Variants in SLC12A6 observed in about 807,000 individuals in gnomAD.
SLC12A6 encodes K-Cl cotransporter 3.
A neutral mutation model predicts 135.3 loss-of-function variants in SLC12A6; 66 were observed. The ratio of observed to expected loss-of-function variants is 0.49; its 90% CI spans 0.40 to 0.60. The LOEUF (loss-of-function observed/expected upper bound fraction) is 0.60, where lower values mean the gene tolerates loss of function less well. Among genes scored for constraint, SLC12A6 ranks in the 20% least tolerant of loss-of-function variants. SLC12A6 has a pLI of 0.00. For synonymous variants in SLC12A6, 513 were observed against 508.8 expected (o/e 1.01, Z -0.11); for missense variants, 1,058 against 1,452.3 (o/e 0.73, Z 4.41).
chr15:34,321,850 T>C (rs998095803), intron 2 of SLC12A6, among the ~76,000 whole-genome samples: 3 of 152,196 alleles, frequency 2.0e-5, no homozygotes, highest in Non-Finnish European at 4.4e-5. Context: ...AGGTGAAAGA[T>C]GCTTTAAACA....
rs768514327 is a variant in SLC12A6 at position 34,235,205 on chromosome 15, G to A, written c.3337C>T (p.Arg1113Ter). 2 of 1,613,920 alleles carry A rather than the reference G, an allele frequency of 1.2e-6. No homozygotes were observed. The part of the protein sequence containing the change: ...LVLLNMPGPP[R>*]NPEGDENYME... ...CAGTTTTCATCACCCTCAGGGTTTC[G>A]GGGTGGCCCTGGCATATTCAATAAA... Residue 1113 changes from arginine (R) to a stop codon, truncating the protein, a stop_gained, in exon 25 of 26, where the codon CGA (arginine) becomes TGA (stop). Transcript: ENST00000354181. LOFTEE classifies it high-confidence loss of function.
At chr15:34,285,264 G>C (rs1458975458) in intron 2 of SLC12A6, among the ~76,000 whole-genome samples, 2 of 152,192 alleles carry the variant, frequency 1.3e-5, no homozygotes, top group African/African-American at 4.8e-5. Flanking sequence ...GTATGGATCA[G>C]ATCAGAAATA....
chr15:34,296,667 A>G (rs753781277), intron 2 of SLC12A6, among the ~76,000 whole-genome samples: 6 of 152,218 alleles, frequency 3.9e-5, no homozygotes, highest in Admixed American at 1.3e-4. Flanking sequence ...ACAGATGGCC[A>G]TATCGATGCG....
Position 34,336,597 on chromosome 15 carries a change from C to A in SLC12A6, c.84G>T (p.Leu28Phe). 6.2e-7 allele frequency: 1 copy of A among 1,613,906 alleles called. No homozygotes were observed. The highest frequency in any genetic ancestry group is 8.5e-7 in the Non-Finnish European group (1 of 1,179,830). Reference sequence around the variant, plus strand: ...AGCTGAGGTCCGGACTGGTGTCTGACAAACCTGGAATGTCATCGATCTTTG... The same window carrying A: ...AGCTGAGGTCCGGACTGGTGTCTGAAAAACCTGGAATGTCATCGATCTTTG... ...TPTKIDDIPG[L>F]SDTSPDLSSR... The change falls in exon 2 of 26, where the codon TTG becomes TTT. Residue 28 changes from leucine to phenylalanine, a missense_variant. Physicochemically the swap from Leu to Phe is conservative, Grantham distance 22. This residue lies in a region of SLC12A6 where 176 missense variants were observed against 168.9 expected (regional missense o/e 1.04). Coordinates refer to ENST00000354181, the MANE Select transcript of SLC12A6 (RefSeq NM_001365088.1).
chr15:34,255,255 T>C lies in SLC12A6; in HGVS notation c.876+7A>G. The stretch of plus-strand genomic sequence containing the variant: ...ATATTATAGACCACAATGAAGTCAT[T>C]ACTTACCAGAAAGATTTCAATGGCA... On this transcript the variant is annotated splice_region_variant and intron_variant, in intron 8 of 25. Coordinates refer to ENST00000354181, the MANE Select transcript of SLC12A6 (RefSeq NM_001365088.1). 6.3e-7 allele frequency: 1 copy of C among 1,596,454 alleles called. No individual in the cohort carries two copies. The highest frequency in any genetic ancestry group is 8.6e-7 in the Non-Finnish European group (1 of 1,163,838).
At chr15:34,275,098 T>C (rs1894205956) in intron 3 of SLC12A6, among the ~76,000 whole-genome samples, 2 of 152,204 alleles carry the variant, frequency 1.3e-5, no homozygotes, top group South Asian at 4.1e-4. Flanking sequence ...TTCTAGTTCT[T>C]AGATTTTTTT....
chr15:34,258,751 A>C, intron 5 of SLC12A6, 62 bp downstream of exon 5: 4,500 of 1,101,592 alleles, frequency 4.1e-3, no homozygotes, highest in Non-Finnish European at 5.7e-3. Context: ...TGCCTTAGGT[A>C]TTTCCTTCTT....
At chr15:34,273,093 G>A (rs578150856) in intron 3 of SLC12A6, among the ~76,000 whole-genome samples, 7 of 152,230 alleles carry the variant, frequency 4.6e-5, no homozygotes, top group Non-Finnish European at 7.3e-5. Context: ...GCTCATGCCT[G>A]TAATCCCAGC....
At chr15:34,327,657 CA>C (rs80177584) in intron 2 of SLC12A6, among the ~76,000 whole-genome samples, 14,792 of 130,850 alleles carry the variant, frequency 0.11, 865 homozygotes, top group South Asian at 0.2. Context: ...GACTCTGTCT[CA>C]AAAAAAAAAA....
intron 2 of SLC12A6, among the ~76,000 whole-genome samples, chr15:34,331,084 T>C (rs1889814120): frequency 6.6e-6 from 1 of 152,150 alleles, no homozygotes; most frequent in South Asian, 2.1e-4. Flanking sequence ...AATAGTCACC[T>C]ATGATTAGCA....
intron 2 of SLC12A6, among the ~76,000 whole-genome samples, chr15:34,320,789 C>A (rs552960526): frequency 7.0e-6 from 1 of 143,056 alleles, no homozygotes; most frequent in Non-Finnish European, 1.5e-5. Context: ...TGGTGGCGGG[C>A]GCCTGTAGTT....
upstream of SLC12A6, chr15:34,337,883 C>T (rs1410653873): frequency 6.6e-6 from 1 of 152,328 alleles, no homozygotes; most frequent in Non-Finnish European, 1.5e-5. Flanking sequence ...CCTCCCCCAG[C>T]CCCGGGCCCG....
At chr15:34,303,100 T>A (rs1896372761) in intron 2 of SLC12A6, among the ~76,000 whole-genome samples, 1 of 152,084 alleles carries the variant, frequency 6.6e-6, no homozygotes, top group South Asian at 2.1e-4. Flanking sequence ...CATAAGAGAC[T>A]ATCTTCTTAA....
At chr15:34,242,521 C>T (rs1017187084) in intron 16 of SLC12A6, among the ~76,000 whole-genome samples, 3 of 152,138 alleles carry the variant, frequency 2.0e-5, no homozygotes, top group Non-Finnish European at 2.9e-5. Flanking sequence ...TCCTTTGCAA[C>T]AGAAGATGTT....
intron 2 of SLC12A6, among the ~76,000 whole-genome samples, chr15:34,278,811 C>T (rs926887352): frequency 6.6e-6 from 1 of 151,962 alleles, no homozygotes; most frequent in African/African-American, 2.4e-5. Flanking sequence ...CCTCATGATC[C>T]ACCTGCCTCA....
intron 2 of SLC12A6, among the ~76,000 whole-genome samples, chr15:34,293,326 A>G (rs988460180): frequency 6.6e-6 from 1 of 152,104 alleles, no homozygotes; most frequent in African/African-American, 2.4e-5. Context: ...TATTTTTGAG[A>G]CAGAGTCTCA....
At chr15:34,281,158 CAAT>C (rs1397511905) in intron 2 of SLC12A6, among the ~76,000 whole-genome samples, 1 of 151,972 alleles carries the variant, frequency 6.6e-6, no homozygotes, top group African/African-American at 2.4e-5. Flanking sequence ...CTACGGTTAA[CAAT>C]AATATATTAG....
Position 34,230,485 on chromosome 15 carries a change from AGCAG to A in SLC12A6, c.*3392_*3395del. On this transcript the variant is annotated 3_prime_UTR_variant, in exon 26 of 26. Coordinates refer to ENST00000354181, the MANE Select transcript of SLC12A6 (RefSeq NM_001365088.1). ...TGCCGAAGGAACCTGGCACCTGTCA[AGCAG>A]ATGCTGCAGTTCAAACTTCAGCTTT... 1 of 152,612 alleles carries A rather than the reference AGCAG, an allele frequency of 6.6e-6. No homozygotes were observed. The highest frequency in any genetic ancestry group is 1.5e-5 in the Non-Finnish European group (1 of 68,066). 9.5% of individuals were successfully genotyped at this position (152,612 alleles called of 1,614,324 possible). A position where few individuals can be genotyped will look rare whatever the true frequency, so the allele number is the denominator to read the frequency against.
At chr15:34,332,362 T>C (rs2644243) in intron 2 of SLC12A6, among the ~76,000 whole-genome samples, 68,777 of 152,048 alleles carry the variant, frequency 0.45, 17,767 homozygotes, top group African/African-American at 0.72. Flanking sequence ...ATTTTCACCA[T>C]TATACCATGA....
Sources: allele counts gnomAD v4.1 joint callset (sites outside exome capture counted in the v4.1 genomes callset), GRCh38; gene constraint gnomAD v4.1.1; regional missense constraint gnomAD v4.1.1; transcripts MANE v1.5; gene names NCBI Gene and HGNC (gene_info 2026-07-23, HGNC 2026-07-21).